Variants in UGT1A6 observed in about 807,000 individuals in gnomAD.
UGT1A6 encodes UDP-glucuronosyltransferase 1A6.
Under a neutral mutation model 44.4 loss-of-function variants are expected in UGT1A6, and 32 were observed. The observed-to-expected ratio is 0.72, with a 90% CI of 0.54 to 0.97. UGT1A6 has a LOEUF of 0.97. UGT1A6 is among the 50% of genes least tolerant of loss of function. The probability of loss-of-function intolerance (pLI) is 0.00; values close to 1 mark genes in which losing one functional copy is unlikely to be tolerated. For synonymous variants in UGT1A6, 238 were observed against 248.5 expected (o/e 0.96, Z 0.40); for missense variants, 685 against 661.9 (o/e 1.03, Z -0.38).
chr2:233,722,513 C>T (rs940650282), intron 1 of UGT1A6, among the ~76,000 whole-genome samples: 2 of 152,128 alleles, frequency 1.3e-5, no homozygotes, highest in Non-Finnish European at 2.9e-5. Flanking sequence ...TTAATTGCAG[C>T]TTATTTTTGC....
chr2:233,717,168 T>C (rs1307662395), intron 1 of UGT1A6, among the ~76,000 whole-genome samples: 1 of 152,206 alleles, frequency 6.6e-6, no homozygotes, highest in Non-Finnish European at 1.5e-5. Context: ...GCCCCTTGAA[T>C]GTGGCAAGAG....
At chr2:233,716,635 G>A (rs977802865) in intron 1 of UGT1A6, among the ~76,000 whole-genome samples, 5 of 151,972 alleles carry the variant, frequency 3.3e-5, no homozygotes, top group African/African-American at 4.8e-5. Context: ...AGTTTTTATC[G>A]TTTGTACTTT....
intron 1 of UGT1A6, among the ~76,000 whole-genome samples, chr2:233,759,957 T>C (rs371912681): frequency 1.3e-5 from 2 of 152,236 alleles, no homozygotes; most frequent in Non-Finnish European, 2.9e-5. Context: ...CACTACATAG[T>C]CGTCCTTCTT....
At chr2:233,715,374 C>CGT (rs2076448384) in intron 1 of UGT1A6, among the ~76,000 whole-genome samples, 1 of 152,106 alleles carries the variant, frequency 6.6e-6, no homozygotes, top group South Asian at 2.1e-4. Context: ...ATTTTCTTCA[C>CGT]AGTTTGCTGT....
chr2:233,717,672 G>A (rs1559362720), intron 1 of UGT1A6: 4 of 421,080 alleles, frequency 9.5e-6, no homozygotes, highest in Admixed American at 2.5e-5. Flanking sequence ...GCAATCTTGC[G>A]AGCACATGTA....
rs1184503727 is a variant in UGT1A6 at position 233,769,814 on chromosome 2, C to T, written c.1301+1375C>T. 17 of 933,346 alleles carry T rather than the reference C, an allele frequency of 1.8e-5. No homozygotes were observed. Among genetic ancestry groups the T allele is most frequent in the African/African-American group, 1.7e-5 (1 of 59,148 alleles). The allele number at this position is 933,346 out of a possible 1,614,324, so 57.8% of individuals were successfully genotyped here. Reference sequence around the variant, plus strand: ...AGGCTGCTATGAGCCGTGATCATGCCACTGCACTCCAGCAACCTGGGCAAC... The same window carrying T: ...AGGCTGCTATGAGCCGTGATCATGCTACTGCACTCCAGCAACCTGGGCAAC... On this transcript the variant is annotated intron_variant, in intron 4 of 4. Coordinates refer to ENST00000305139, the MANE Select transcript of UGT1A6 (RefSeq NM_001072.4). The surrounding 1 kb of genome is among the most constrained non-coding windows in gnomAD (Gnocchi z 4.4).
At position 233,693,630 on chromosome 2, in the gene UGT1A6, T is replaced by C. The variant is rs1199518896; in HGVS notation, c.626T>C (p.Val209Ala). 30 of 1,614,076 alleles carry C rather than the reference T, an allele frequency of 1.9e-5. No homozygotes were observed. The highest frequency in any genetic ancestry group is 2.5e-5 in the Non-Finnish European group (30 of 1,180,048). Residue 209 changes from valine to alanine, a missense_variant, in exon 1 of 5, where the codon GTG becomes GCG. By Grantham distance (64) the Val-to-Ala change is moderately conservative (BLOSUM62 0). Coordinates refer to ENST00000305139, the MANE Select transcript of UGT1A6 (RefSeq NM_001072.4). ...FSDHMTFSQRVANFLVNLLEP... is the reference protein window; with the variant it reads ...FSDHMTFSQRAANFLVNLLEP... ...GACCACATGACTTTTTCCCAACGAG[T>C]GGCCAACTTCCTTGTTAATTTGTTG...
chr2:233,697,399 A>G (rs890577851), intron 1 of UGT1A6, among the ~76,000 whole-genome samples: 10 of 151,506 alleles, frequency 6.6e-5, no homozygotes, highest in African/African-American at 2.4e-4. Flanking sequence ...GATCCTTTGT[A>G]TTTCTGTGGT....
chr2:233,721,297 G>C (rs770095784), intron 1 of UGT1A6, among the ~76,000 whole-genome samples: 1 of 152,120 alleles, frequency 6.6e-6, no homozygotes, highest in Non-Finnish European at 1.5e-5. Flanking sequence ...GAAGGCATTT[G>C]AATAGTGATT....
chr2:233,697,681 T>C (rs990981606), intron 1 of UGT1A6, among the ~76,000 whole-genome samples: 1 of 152,138 alleles, frequency 6.6e-6, no homozygotes, highest in African/African-American at 2.4e-5. Context: ...ATTCAAAATA[T>C]TTCTGCTTTT....
intron 1 of UGT1A6, chr2:233,747,267 CCTT>C: frequency 6.3e-7 from 1 of 1,599,532 alleles, no homozygotes; most frequent in Non-Finnish European, 8.5e-7. Context: ...GAGTGCTACT[CCTT>C]CTCAGTGCCC....
chr2:233,743,699 GC>G, intron 1 of UGT1A6: 2 of 1,367,268 alleles, frequency 1.5e-6, no homozygotes, highest in Non-Finnish European at 2.0e-6. Context: ...GCCGCCCTCC[GC>G]CCCCGCCTCG....
intron 1 of UGT1A6, among the ~76,000 whole-genome samples, chr2:233,749,606 T>A (rs1054542224): frequency 2.6e-5 from 4 of 151,906 alleles, no homozygotes; most frequent in Admixed American, 2.6e-4. Context: ...CACACTAGAT[T>A]TATCATGATT....
rs1171527500 is a variant in UGT1A6, at chr2:233,760,898, T to C, written c.862-6136T>C. 2 of 1,613,998 alleles carry C rather than the reference T, an allele frequency of 1.2e-6. No homozygotes were observed. Among genetic ancestry groups the C allele is most frequent in the Non-Finnish European group, 1.7e-6 (2 of 1,180,014 alleles). On this transcript the variant is annotated intron_variant, in intron 1 of 4. Transcript: ENST00000305139. ...CCTCTCTCCTCTCATTCAGATCACA[T>C]GACCTTCCTGCAGCGGGTGAAGAAC...
At chr2:233,719,052 A>T (rs200903552) in intron 1 of UGT1A6, 1 of 1,614,270 alleles carries the variant, frequency 6.2e-7, no homozygotes, top group Non-Finnish European at 8.5e-7. Flanking sequence ...TTTCACCCTG[A>T]CAGCCTATGC....
In UGT1A6 at chr2:233,769,978, G is replaced by A. The variant is rs35883224; in HGVS notation, c.1301+1539G>A. The stretch of plus-strand genomic sequence containing the variant: ...CTTCTGGCCACCTCAATGTCAGGAT[G>A]TCCTGCTCACATATCAATACCATTA... On this transcript the variant is annotated intron_variant, in intron 4 of 4. Transcript: ENST00000305139. The surrounding 1 kb of genome is among the most constrained non-coding windows in gnomAD (Gnocchi z 4.4). 117 of 202,284 alleles carry A rather than the reference G, an allele frequency of 5.8e-4. 1 individual carries two copies. Among genetic ancestry groups the A allele is most frequent in the African/African-American group, 2.5e-3 (109 of 43,540 alleles). The allele number at this position is 202,284 out of a possible 1,614,324, so 12.5% of individuals were successfully genotyped here.
rs149047303 is a variant in UGT1A6, at chr2:233,763,705, A to G, written c.862-3329A>G. Among the ~76,000 whole-genome samples, 745 of 152,324 alleles carry G rather than the reference A, an allele frequency of 4.9e-3. 10 individuals carry two copies. Among genetic ancestry groups the G allele is most frequent in the African/African-American group, 0.017 (698 of 41,584 alleles). ...AAGATAAAACTTTTATTGCACAAAG[A>G]AGTCCATAGAGAAAGCACAACCTGG... On this transcript the variant is annotated intron_variant, in intron 1 of 4. Coordinates refer to ENST00000305139, the MANE Select transcript of UGT1A6 (RefSeq NM_001072.4).
chr2:233,696,392 T>C (rs1379214927), intron 1 of UGT1A6, among the ~76,000 whole-genome samples: 1 of 152,222 alleles, frequency 6.6e-6, no homozygotes, highest in Admixed American at 6.5e-5. Flanking sequence ...TCTTTGTACG[T>C]TTTGTAAATG....
At chr2:233,709,996 TA>T (rs2076102757) in intron 1 of UGT1A6, among the ~76,000 whole-genome samples, 5 of 152,236 alleles carry the variant, frequency 3.3e-5, no homozygotes, top group African/African-American at 9.6e-5. Flanking sequence ...AATGGAATCA[TA>T]CAATTATGAA....
Sources: allele counts gnomAD v4.1 joint callset (sites outside exome capture counted in the v4.1 genomes callset), GRCh38; gene constraint gnomAD v4.1.1; non-coding constraint Gnocchi (gnomAD v3.1); transcripts MANE v1.5; gene names NCBI Gene and HGNC (gene_info 2026-07-23, HGNC 2026-07-21).